PHACTR3: variants seen among roughly 807,000 people sequenced by gnomAD.
PHACTR3 encodes the protein protein phosphatase 1, regulatory subunit 123.
Under a neutral mutation model 66.8 loss-of-function variants are expected in PHACTR3, and 16 were observed. The observed-to-expected ratio is 0.24, with a 90% CI of 0.16 to 0.36. PHACTR3 has a LOEUF of 0.36. Ranked by LOEUF, PHACTR3 falls within the 10% of genes least tolerant of loss-of-function variation. PHACTR3 has a pLI of 1.00. For synonymous variants in PHACTR3, 323 were observed against 292.1 expected (o/e 1.11, Z -1.08); for missense variants, 647 against 719.9 (o/e 0.90, Z 1.16).
chr20:59,782,907 G>A (rs575181345), intron 7 of PHACTR3, among the ~76,000 whole-genome samples: 24 of 152,286 alleles, frequency 1.6e-4, no homozygotes, highest in Admixed American at 4.6e-4. Flanking sequence ...ACGGAGAGAG[G>A]CAACACTCAG....
At chr20:59,651,967 G>A (rs2035474765) in intron 1 of PHACTR3, among the ~76,000 whole-genome samples, 1 of 152,162 alleles carries the variant, frequency 6.6e-6, no homozygotes, top group African/African-American at 2.4e-5. Context: ...AGGCTGAGAA[G>A]TTCTACAATC....
chr20:59,583,778 C>T lies in PHACTR3; in HGVS notation c.109+6161C>T, dbSNP rs114929552. Among the ~76,000 whole-genome samples, 413 of 152,292 alleles carry T rather than the reference C, an allele frequency of 2.7e-3. 2 individuals carry two copies. Among genetic ancestry groups the T allele is most frequent in the African/African-American group, 9.5e-3 (393 of 41,546 alleles). On this transcript the variant is annotated intron_variant, in intron 1 of 12. Transcript: ENST00000359926. ...GACCGGGGGTCTGGCCCAGGGTTTGCGTTGTGGGCTTTGCATTGGGCAGGG... is the reference window on the plus strand; with the variant it reads ...GACCGGGGGTCTGGCCCAGGGTTTGTGTTGTGGGCTTTGCATTGGGCAGGG...
intron 4 of PHACTR3, among the ~76,000 whole-genome samples, chr20:59,766,119 C>G (rs1054624680): frequency 3.3e-5 from 5 of 152,204 alleles, no homozygotes; most frequent in Admixed American, 1.3e-4. Context: ...GTCTGATGAC[C>G]TCAGTTTCCC....
At chr20:59,790,854 T>C (rs2041069176) in intron 7 of PHACTR3, among the ~76,000 whole-genome samples, 1 of 152,114 alleles carries the variant, frequency 6.6e-6, no homozygotes, top group Non-Finnish European at 1.5e-5. Flanking sequence ...CTTTCCTTAA[T>C]ACTATTAGGC....
rs1410109349 is a variant in PHACTR3 at position 59,787,549 on chromosome 20, T to C, written c.1174+13059T>C. Among the ~76,000 whole-genome samples the C allele has an allele frequency of 2.6e-5, 4 of 152,212 alleles. No homozygotes were observed. The East Asian group carries it at 5.8e-4, about 22-fold the overall frequency. ...ATATAAAGAAAATGCACAAGAGATA[T>C]AGGGACATCTTTGTGGCTGTTGTTC... On this transcript the variant is annotated intron_variant, in intron 7 of 12. Coordinates refer to ENST00000371015, the MANE Select transcript of PHACTR3 (RefSeq NM_080672.5).
intron 1 of PHACTR3, among the ~76,000 whole-genome samples, chr20:59,635,187 T>TTTCC (rs1568949117): frequency 1.4e-4 from 8 of 57,318 alleles, no homozygotes; most frequent in Non-Finnish European, 2.2e-4. Context: ...TCTTTCTTTC[T>TTTCC]TTCTTTCTCT....
At chr20:59,613,526 G>A (rs2033928894) in intron 1 of PHACTR3, among the ~76,000 whole-genome samples, 1 of 152,222 alleles carries the variant, frequency 6.6e-6, no homozygotes, top group African/African-American at 2.4e-5. Context: ...CCTGGGAAGT[G>A]TAGCTTTTTC....
At chr20:59,614,070 A>G (rs529196728) in intron 1 of PHACTR3, among the ~76,000 whole-genome samples, 3 of 152,336 alleles carry the variant, frequency 2.0e-5, no homozygotes, top group Admixed American at 2.0e-4. Context: ...CCATGGTCAC[A>G]TTTATATAAA....
At chr20:59,825,390 ATTCATTCATTCAGTCACTTG>A (rs1205766068) in intron 8 of PHACTR3, among the ~76,000 whole-genome samples, 1 of 152,216 alleles carries the variant, frequency 6.6e-6, no homozygotes, top group Non-Finnish European at 1.5e-5. Flanking sequence ...TCAGACACTC[ATTCATTCATTCAGTCACTTG>A]TTCATTCATT....
chr20:59,726,580 G>A (rs1307412989), intron 1 of PHACTR3, among the ~76,000 whole-genome samples: 1 of 152,130 alleles, frequency 6.6e-6, no homozygotes, highest in Non-Finnish European at 1.5e-5. Context: ...ACTTGGTAGG[G>A]AGTTCCACAG....
In PHACTR3 at chr20:59,658,685, C is replaced by A. The variant is rs78828809; in HGVS notation, c.118+53553C>A. Among the ~76,000 whole-genome samples, 331 of 152,250 alleles carry A rather than the reference C, an allele frequency of 2.2e-3. 1 individual carries two copies. Among genetic ancestry groups the A allele is most frequent in the Non-Finnish European group, 4.0e-3 (271 of 68,024 alleles). On this transcript the variant is annotated intron_variant, in intron 1 of 12. Transcript: ENST00000371015. ...CTGTCTGCCTCTGTTGGTATCATAC[C>A]AAGCTATTAGGCTCCACTAACTGCC...
rs191954689 is a variant in PHACTR3 at position 59,736,511 on chromosome 20, G to T, written c.119-6596G>T. Among the ~76,000 whole-genome samples the T allele has an allele frequency of 2.5e-3, 382 of 151,874 alleles. 2 individuals carry two copies. Among genetic ancestry groups the T allele is most frequent in the African/African-American group, 8.6e-3 (357 of 41,456 alleles). Reference sequence around the variant, plus strand: ...CACCCACCCACGCCCATGCACACTGGCTCCGCAGGTGCTCACCCGCCCACC... The same window carrying T: ...CACCCACCCACGCCCATGCACACTGTCTCCGCAGGTGCTCACCCGCCCACC... On this transcript the variant is annotated intron_variant, in intron 1 of 12. Coordinates refer to ENST00000371015, the MANE Select transcript of PHACTR3 (RefSeq NM_080672.5). This position sits in a 1 kb window ranked among gnomAD's most constrained non-coding sequence, Gnocchi z 4.6.
chr20:59,622,489 A>G (rs1173811246), intron 1 of PHACTR3, among the ~76,000 whole-genome samples: 2 of 152,184 alleles, frequency 1.3e-5, no homozygotes, highest in African/African-American at 2.4e-5. Context: ...TGCTCTGTTC[A>G]TGTCAGTTAG....
chr20:59,678,227 T>A (rs2036520310), intron 1 of PHACTR3, among the ~76,000 whole-genome samples: 1 of 152,226 alleles, frequency 6.6e-6, no homozygotes. Context: ...ATTATACACC[T>A]TCAGCCCGTG....
chr20:59,662,306 TGGGGTGGGGTG>T (rs2035834804), intron 1 of PHACTR3, among the ~76,000 whole-genome samples: 1 of 151,794 alleles, frequency 6.6e-6, no homozygotes, highest in Non-Finnish European at 1.5e-5. Context: ...TGACCCAGCT[TGGGGTGGGGTG>T]GGGGACACAG....
chr20:59,602,336 T>C (rs2033500543), upstream of PHACTR3, among the ~76,000 whole-genome samples: 1 of 148,980 alleles, frequency 6.7e-6, no homozygotes, highest in Non-Finnish European at 1.5e-5. Flanking sequence ...AAGGCTGAGG[T>C]GGGATGATTG....
chr20:59,607,544 A>G (rs2033710895), intron 1 of PHACTR3, among the ~76,000 whole-genome samples: 2 of 152,350 alleles, frequency 1.3e-5, no homozygotes, highest in South Asian at 4.1e-4. Flanking sequence ...GGCATTTTTA[A>G]TGCATCAGTA....
At position 59,841,248 on chromosome 20, in the gene PHACTR3, A is replaced by C. The variant is rs2059055058; in HGVS notation, c.1447-147A>C. On this transcript the variant is annotated intron_variant, in intron 10 of 12. Transcript: ENST00000371015. ...GTATATAATTTCAGCCCTTCACATT[A>C]GAGATTGCTTGTATTTGGGTTATAT... 7.1e-6 allele frequency: 5 copies of C among 708,320 alleles called. No homozygotes were observed. The East Asian group carries it at 1.4e-4, about 20-fold the overall frequency. The allele number at this position is 708,320 out of a possible 1,614,324, so 43.9% of individuals were successfully genotyped here.
chr20:59,710,858 G>A (rs966315771), intron 1 of PHACTR3, among the ~76,000 whole-genome samples: 3 of 151,970 alleles, frequency 2.0e-5, no homozygotes, highest in African/African-American at 7.2e-5. Context: ...CACCCCTCAA[G>A]GTCTGGTTCA....
Sources: gnomAD v4.1 joint callset for allele counts (sites outside exome capture counted in the v4.1 genomes callset) on GRCh38, gnomAD v4.1.1 for gene constraint, Gnocchi (gnomAD v3.1) non-coding constraint, MANE v1.5 for transcripts, NCBI Gene and HGNC (gene_info 2026-07-23, HGNC 2026-07-21) for gene names.